Variants in ANK2 observed in about 807,000 individuals in gnomAD.
ANK2 encodes the protein ankyrin-2.
In ANK2, 83 loss-of-function variants were observed where a neutral mutation model predicts 360.5. That is an observed-to-expected ratio of 0.23 (90% CI 0.19 to 0.28). ANK2 has a LOEUF of 0.28. Among genes scored for constraint, ANK2 ranks in the 10% least tolerant of loss-of-function variants. The pLI, the probability that ANK2 is intolerant of heterozygous loss-of-function variation, is 1.00. For synonymous variants in ANK2, 1,740 were observed against 1,759.5 expected, an observed-to-expected ratio of 0.99 and a Z score of 0.28; for missense variants, 4,201 against 4,795.7, an observed-to-expected ratio of 0.88 and a Z score of 3.66.
intron 1 of ANK2, among the ~76,000 whole-genome samples, chr4:112,836,043 C>T (rs946286008): frequency 4.6e-5 from 7 of 152,078 alleles, no homozygotes; most frequent in Admixed American, 2.6e-4. Flanking sequence ...AGCTTTCTAT[C>T]CTGGGAGGCT....
intron 35 of ANK2, 129 bp from the exon 36 acceptor site, chr4:113,348,147 T>C (rs912740117): frequency 1.1e-6 from 1 of 871,260 alleles, no homozygotes; most frequent in Admixed American, 2.0e-5. Flanking sequence ...AAAAAGAGTA[T>C]GTTGACTGTA....
chr4:113,094,384 T>C (rs1481710817), intron 1 of ANK2, among the ~76,000 whole-genome samples: 1 of 152,170 alleles, frequency 6.6e-6, no homozygotes, highest in Non-Finnish European at 1.5e-5. Flanking sequence ...AAAGACGTTC[T>C]CAAAGGAACC....
At chr4:112,891,521 CA>C (rs1237950759) in intron 1 of ANK2, among the ~76,000 whole-genome samples, 1 of 152,092 alleles carries the variant, frequency 6.6e-6, no homozygotes, top group Non-Finnish European at 1.5e-5. Context: ...TAAATGCCCT[CA>C]TTATTTAAAA....
At position 113,199,153 on chromosome 4, in the gene ANK2, G is replaced by T. The variant is rs184553813; in HGVS notation, c.384+44G>T. 1.3e-3 allele frequency: 1,873 copies of T among 1,456,174 alleles called. 7 individuals are homozygous for T. The highest frequency in any genetic ancestry group is 9.1e-4 in the Non-Finnish European group (944 of 1,037,820). 90.2% of individuals were successfully genotyped at this position (1,456,174 alleles called of 1,614,324 possible). Reference sequence around the variant, plus strand: ...CCCTGATGTACATACATTTAAATTAGAACAGTTTTGTGAAATTGATTTAAT... The same window carrying T: ...CCCTGATGTACATACATTTAAATTATAACAGTTTTGTGAAATTGATTTAAT... On this transcript the variant is annotated intron_variant, in intron 4 of 45. Coordinates refer to ENST00000357077, the MANE Select transcript of ANK2 (RefSeq NM_001148.6).
At chr4:113,089,857 T>TG (rs80279355) in intron 1 of ANK2, among the ~76,000 whole-genome samples, 124,511 of 152,088 alleles carry the variant, frequency 0.82, 51,543 homozygotes, top group African/African-American at 0.94. Context: ...AAAAAGCTGA[T>TG]AAAAAAATAT....
chr4:113,251,770 C>T (rs1182568632), intron 10 of ANK2, among the ~76,000 whole-genome samples: 1 of 151,950 alleles, frequency 6.6e-6, no homozygotes, highest in Non-Finnish European at 1.5e-5. Flanking sequence ...GCATGAGCCA[C>T]CACGCCTGGC....
At chr4:112,815,145 T>TGC (rs2055547136), upstream of ANK2, among the ~76,000 whole-genome samples, 1 of 152,114 alleles carries the variant, frequency 6.6e-6, no homozygotes, top group Non-Finnish European at 1.5e-5. Context: ...CCTCCCAAAG[T>TGC]GCTGAGATTA....
At chr4:113,025,769 T>A (rs959337389) in intron 2 of ANK2, among the ~76,000 whole-genome samples, 4 of 152,298 alleles carry the variant, frequency 2.6e-5, no homozygotes, top group African/African-American at 9.6e-5. Context: ...GGGGTCTCAC[T>A]CTGAGATCAG....
At chr4:113,062,030 C>CT (rs2073701847) in intron 1 of ANK2, among the ~76,000 whole-genome samples, 1 of 151,854 alleles carries the variant, frequency 6.6e-6, no homozygotes, top group Non-Finnish European at 1.5e-5. Context: ...TGAAAAGCAA[C>CT]TAAAAAAAAA....
chr4:112,958,263 A>C (rs2032123594), intron 2 of ANK2, among the ~76,000 whole-genome samples: 1 of 152,214 alleles, frequency 6.6e-6, no homozygotes, highest in Non-Finnish European at 1.5e-5. Flanking sequence ...TGGAGGTTGT[A>C]GCGAGCCGAG....
At chr4:112,749,432 G>A in the ANK2 span, among the ~76,000 whole-genome samples, 3,050 of 152,246 alleles carry the variant, frequency 0.02, 109 homozygotes, top group African/African-American at 0.07. Flanking sequence ...GATATTAATG[G>A]CAATCACTTG....
chr4:113,224,583 A>G (rs994837162), intron 4 of ANK2, among the ~76,000 whole-genome samples: 1 of 152,222 alleles, frequency 6.6e-6, no homozygotes, highest in Non-Finnish European at 1.5e-5. Context: ...ATCTAGGAAA[A>G]TACGGCAGTT....
chr4:113,123,450 T>A (rs2095488147), intron 1 of ANK2, among the ~76,000 whole-genome samples: 1 of 152,154 alleles, frequency 6.6e-6, no homozygotes, highest in Non-Finnish European at 1.5e-5. Context: ...CTCTTTTTTA[T>A]TTGTATTTCT....
At chr4:112,788,242 A>G in the ANK2 span, 3 of 1,590,744 alleles carry the variant, frequency 1.9e-6, no homozygotes, top group South Asian at 2.2e-5. Context: ...GCTTAGCCAA[A>G]GCGCCTTTGT....
chr4:113,126,362 T>C (rs1314074724), intron 1 of ANK2, among the ~76,000 whole-genome samples: 1 of 152,226 alleles, frequency 6.6e-6, no homozygotes, highest in African/African-American at 2.4e-5. Flanking sequence ...ATAAATCTCC[T>C]GAGTTCTTCT....
chr4:112,848,584 A>C (rs912397904), intron 1 of ANK2, among the ~76,000 whole-genome samples: 1 of 152,204 alleles, frequency 6.6e-6, no homozygotes, highest in African/African-American at 2.4e-5. Context: ...TTGTGTGAGT[A>C]CAAGAAAAAA....
intron 15 of ANK2, 77 bp from the exon 16 acceptor site, chr4:113,277,760 T>A (rs895552402): frequency 1.3e-5 from 15 of 1,180,856 alleles, no homozygotes; most frequent in Non-Finnish European, 1.9e-5. Context: ...CTTTGCTCAA[T>A]ATGTTAACAA....
the ANK2 span, among the ~76,000 whole-genome samples, chr4:112,748,199 A>T: frequency 6.6e-6 from 1 of 152,190 alleles, no homozygotes; most frequent in Non-Finnish European, 1.5e-5. Context: ...AAAATCTGGA[A>T]CTGAACACCA....
intron 30 of ANK2, 197 bp from the exon 31 acceptor site, chr4:113,336,380 A>G: frequency 1.7e-6 from 1 of 605,064 alleles, no homozygotes; most frequent in Non-Finnish European, 2.8e-6. Flanking sequence ...CTGCCATCAG[A>G]GATCGTGGAT....
Sources: allele counts gnomAD v4.1 joint callset (sites outside exome capture counted in the v4.1 genomes callset), GRCh38; gene constraint gnomAD v4.1.1; transcripts MANE v1.5; gene names NCBI Gene and HGNC (gene_info 2026-07-23, HGNC 2026-07-21).